Variants in KCNN2 observed in about 807,000 individuals in gnomAD.
KCNN2 encodes the protein small conductance calcium-activated potassium channel protein 2.
In KCNN2, 24 loss-of-function variants were observed where a neutral mutation model predicts 55.5. That is an observed-to-expected ratio of 0.43 (90% CI 0.31 to 0.61). The LOEUF (loss-of-function observed/expected upper bound fraction) is 0.61. Among genes scored for constraint, KCNN2 ranks in the 20% least tolerant of loss-of-function variants. The probability of loss-of-function intolerance (pLI) is 0.08; values close to 1 mark genes in which losing one functional copy is unlikely to be tolerated. For missense variants in KCNN2, 754 were observed against 853.6 expected (o/e 0.88, Z 1.45); for synonymous variants, 431 against 336.1 (o/e 1.28, Z -3.09).
chr5:114,204,180 G>A (rs890098510), intron 1 of KCNN2, among the ~76,000 whole-genome samples: 3 of 152,172 alleles, frequency 2.0e-5, no homozygotes, highest in African/African-American at 7.2e-5. Flanking sequence ...AATCAGAGAT[G>A]CTAACATCCT....
chr5:114,495,755 G>T, intron 7 of KCNN2, 140 bp from the exon 8 acceptor site: 2 of 732,398 alleles, frequency 2.7e-6, no homozygotes, highest in African/African-American at 1.8e-5. Context: ...AGTTGGCTTT[G>T]CAAGATGAGC....
intron 5 of KCNN2, among the ~76,000 whole-genome samples, chr5:114,476,325 C>G (rs1306497713): frequency 6.6e-6 from 1 of 151,880 alleles, no homozygotes; most frequent in Non-Finnish European, 1.5e-5. Context: ...TTCATTACTA[C>G]TTTTTAAAAG....
chr5:114,258,662 A>G (rs1207700034), intron 2 of KCNN2, among the ~76,000 whole-genome samples: 2 of 152,112 alleles, frequency 1.3e-5, no homozygotes, highest in African/African-American at 2.4e-5. Context: ...CCATGGCCTG[A>G]TCGGGCAGGA....
At chr5:114,249,392 A>G (rs1754814037) in intron 2 of KCNN2, among the ~76,000 whole-genome samples, 1 of 151,076 alleles carries the variant, frequency 6.6e-6, no homozygotes, top group Admixed American at 6.6e-5. Context: ...GGTTCAAGCC[A>G]TCTCCTGCCT....
intron 2 of KCNN2, among the ~76,000 whole-genome samples, chr5:114,347,163 C>T (rs971325729): frequency 1.3e-5 from 2 of 152,172 alleles, no homozygotes; most frequent in African/African-American, 4.8e-5. Flanking sequence ...GTAAACACCA[C>T]ATTTATAATT....
chr5:114,285,374 A>C (rs1356656716), intron 2 of KCNN2, among the ~76,000 whole-genome samples: 1 of 150,230 alleles, frequency 6.7e-6, no homozygotes, highest in Non-Finnish European at 1.5e-5. Flanking sequence ...AAACACATGG[A>C]GGAAAGAATG....
chr5:114,469,816 AAATT>A, intron 4 of KCNN2, among the ~76,000 whole-genome samples: 1 of 152,254 alleles, frequency 6.6e-6, no homozygotes, highest in African/African-American at 2.4e-5. Context: ...ATAACTCTAA[AAATT>A]AAAAAATAAA....
At chr5:114,432,576 T>C (rs1759832199) in intron 3 of KCNN2, among the ~76,000 whole-genome samples, 2 of 152,214 alleles carry the variant, frequency 1.3e-5, no homozygotes, top group South Asian at 2.1e-4. Flanking sequence ...GCTCCCACTT[T>C]GGTGGCACTT....
chr5:114,485,094 T>C (rs1241074660), intron 5 of KCNN2, among the ~76,000 whole-genome samples: 1 of 152,192 alleles, frequency 6.6e-6, no homozygotes, highest in Non-Finnish European at 1.5e-5. Flanking sequence ...TAATTTGGCA[T>C]TTGCTGTTTG....
chr5:114,103,058 T>G (rs574290477), intron 1 of KCNN2, among the ~76,000 whole-genome samples: 1 of 152,146 alleles, frequency 6.6e-6, no homozygotes, highest in Non-Finnish European at 1.5e-5. Flanking sequence ...ATTGATTCTT[T>G]CTATCCATGA....
At chr5:114,129,014 G>C (rs1439704112) in intron 1 of KCNN2, among the ~76,000 whole-genome samples, 2 of 152,136 alleles carry the variant, frequency 1.3e-5, no homozygotes, top group Non-Finnish European at 2.9e-5. Context: ...AATTATAGGA[G>C]GATTTAATAA....
chr5:114,378,623 T>G (rs1281238643), intron 2 of KCNN2, among the ~76,000 whole-genome samples: 1 of 152,140 alleles, frequency 6.6e-6, no homozygotes, highest in Non-Finnish European at 1.5e-5. Flanking sequence ...CACATGCAAG[T>G]GAAATGGCTG....
rs547460680 is a variant in KCNN2 at position 114,383,495 on chromosome 5, G to C, written c.1218+19494G>C. 3.2e-5 allele frequency among the ~76,000 whole-genome samples: 4 copies of C among 124,568 alleles called. No individual in the cohort carries two copies. In the South Asian group the frequency reaches 1.0e-3, roughly 31 times the overall value. The allele number at this position is 124,568 out of a possible 152,430, so 81.7% of individuals were successfully genotyped here. A position where few individuals can be genotyped will look rare whatever the true frequency, so the allele number is the denominator to read the frequency against. Reference sequence around the variant, plus strand: ...TTTTTTTTTTTTTTTTTTTGAGGCAGTCTTGCTTTGTCACCCAGGCTGGAG... The same window carrying C: ...TTTTTTTTTTTTTTTTTTTGAGGCACTCTTGCTTTGTCACCCAGGCTGGAG... On this transcript the variant is annotated intron_variant, in intron 2 of 7. Transcript: ENST00000673685.
intron 2 of KCNN2, among the ~76,000 whole-genome samples, chr5:114,381,354 T>G (rs755516564): frequency 3.3e-5 from 5 of 152,192 alleles, no homozygotes; most frequent in Non-Finnish European, 7.3e-5. Flanking sequence ...TTTTTAGCTG[T>G]ATTGAAAGAG....
chr5:114,062,384 C>T (rs929725883), intron 1 of KCNN2, among the ~76,000 whole-genome samples: 8 of 152,186 alleles, frequency 5.3e-5, no homozygotes, highest in African/African-American at 1.9e-4. Context: ...CCTACCTCCA[C>T]AGACCTGTTA....
chr5:114,489,875 A>G (rs1275830285), intron 6 of KCNN2, among the ~76,000 whole-genome samples: 1 of 152,112 alleles, frequency 6.6e-6, no homozygotes, highest in Non-Finnish European at 1.5e-5. Context: ...AAATGTTAAA[A>G]TTCATTCGAT....
intron 1 of KCNN2, among the ~76,000 whole-genome samples, chr5:114,083,850 T>C (rs1369050972): frequency 2.0e-5 from 3 of 152,136 alleles, no homozygotes; most frequent in Non-Finnish European, 4.4e-5. Context: ...CATCCCTCTC[T>C]TCCCACTCCA....
intron 1 of KCNN2, among the ~76,000 whole-genome samples, chr5:114,145,884 G>C (rs1391176629): frequency 6.6e-6 from 1 of 152,152 alleles, no homozygotes; most frequent in African/African-American, 2.4e-5. Context: ...TGACTGGATT[G>C]TCTGTTGTAA....
At chr5:114,419,330 A>G (rs1429106137) in intron 3 of KCNN2, among the ~76,000 whole-genome samples, 2 of 152,248 alleles carry the variant, frequency 1.3e-5, no homozygotes, top group African/African-American at 2.4e-5. Context: ...TACAAAGCCT[A>G]AAATATTTAT....
Sources: gnomAD v4.1 joint callset for allele counts (sites outside exome capture counted in the v4.1 genomes callset) on GRCh38, gnomAD v4.1.1 for gene constraint, MANE v1.5 for transcripts, NCBI Gene and HGNC (gene_info 2026-07-23, HGNC 2026-07-21) for gene names.